WWOX: variants seen among roughly 807,000 people sequenced by gnomAD.
WWOX encodes the protein WW domain-containing oxidoreductase.
WWOX carries 69 observed loss-of-function variants against 46.2 expected under a neutral mutation model. The ratio of observed to expected loss-of-function variants is 1.49; its 90% CI spans 1.23 to 1.82. WWOX has a LOEUF of 1.82. Ranked by LOEUF, WWOX falls within the 40% of genes most tolerant of loss-of-function variation. WWOX has a pLI of 0.00. For synonymous variants in WWOX, 359 were observed against 202.6 expected (o/e 1.77, Z -6.56); for missense variants, 919 against 542.6 (o/e 1.69, Z -6.89).
chr16:78,922,903 A>T (rs537552232), intron 8 of WWOX, among the ~76,000 whole-genome samples: 1 of 152,106 alleles, frequency 6.6e-6, no homozygotes, highest in African/African-American at 2.4e-5. Flanking sequence ...AGAACTTAAA[A>T]CTAAATTTTT....
intron 8 of WWOX, among the ~76,000 whole-genome samples, chr16:78,692,439 G>A (rs2048011235): frequency 1.3e-5 from 2 of 152,102 alleles, no homozygotes; most frequent in African/African-American, 2.4e-5. Flanking sequence ...CATTTACAAG[G>A]AATTACAGAA....
At chr16:78,794,961 T>C (rs534575757) in intron 8 of WWOX, among the ~76,000 whole-genome samples, 8 of 152,346 alleles carry the variant, frequency 5.3e-5, no homozygotes, top group Non-Finnish European at 1.2e-4. Context: ...ATTAATGTTA[T>C]CATCATCACG....
At chr16:79,094,413 C>G (rs1207561954) in intron 8 of WWOX, among the ~76,000 whole-genome samples, 5 of 152,034 alleles carry the variant, frequency 3.3e-5, no homozygotes, top group African/African-American at 9.7e-5. Context: ...CCATGTCCAG[C>G]TAATTTTTTT....
intron 8 of WWOX, among the ~76,000 whole-genome samples, chr16:78,701,161 T>C (rs934496946): frequency 1.3e-5 from 2 of 152,222 alleles, no homozygotes; most frequent in Non-Finnish European, 2.9e-5. Context: ...AAAGCACTTA[T>C]AACAGGACCT....
At chr16:78,329,462 C>CA (rs2080707865) in intron 5 of WWOX, among the ~76,000 whole-genome samples, 1 of 152,148 alleles carries the variant, frequency 6.6e-6, no homozygotes, top group African/African-American at 2.4e-5. Context: ...GAATAAACAG[C>CA]AAAAATAGTT....
chr16:78,716,374 G>C (rs769150897), intron 8 of WWOX, among the ~76,000 whole-genome samples: 2 of 152,130 alleles, frequency 1.3e-5, no homozygotes, highest in African/African-American at 2.4e-5. Flanking sequence ...AACTGCAAAA[G>C]AGTACATTGC....
At chr16:78,327,427 C>T (rs2080649301) in intron 5 of WWOX, among the ~76,000 whole-genome samples, 1 of 152,106 alleles carries the variant, frequency 6.6e-6, no homozygotes, top group African/African-American at 2.4e-5. Flanking sequence ...AGCCCCAGTA[C>T]CCTCAGTGTG....
At chr16:78,978,077 G>A (rs1231011179) in intron 8 of WWOX, among the ~76,000 whole-genome samples, 5 of 152,166 alleles carry the variant, frequency 3.3e-5, no homozygotes, top group Non-Finnish European at 7.3e-5. Flanking sequence ...TTCTGTCTCA[G>A]TAGGTTTGCT....
intron 5 of WWOX, among the ~76,000 whole-genome samples, chr16:78,259,927 A>G (rs1268955197): frequency 1.3e-5 from 2 of 151,422 alleles, no homozygotes; most frequent in Admixed American, 6.6e-5. Context: ...GAGTTATTTT[A>G]TGATGATCTA....
intron 8 of WWOX, among the ~76,000 whole-genome samples, chr16:78,842,707 TA>T (rs1257413925): frequency 6.6e-6 from 1 of 151,570 alleles, no homozygotes; most frequent in Non-Finnish European, 1.5e-5. Flanking sequence ...CTACAAGAAG[TA>T]AAAAAAATCA....
At chr16:78,659,790 A>G (rs758753518) in intron 8 of WWOX, among the ~76,000 whole-genome samples, 4 of 152,200 alleles carry the variant, frequency 2.6e-5, no homozygotes, top group Admixed American at 1.3e-4. Context: ...TAAAGGGAGA[A>G]CAGCATTTTC....
chr16:78,105,198 ACGC>A (rs2032062991), intron 1 of WWOX, among the ~76,000 whole-genome samples: 1 of 152,228 alleles, frequency 6.6e-6, no homozygotes, highest in Non-Finnish European at 1.5e-5. Flanking sequence ...GCAGTGGTTC[ACGC>A]CTGTAATCCC....
intron 8 of WWOX, among the ~76,000 whole-genome samples, chr16:78,650,269 G>C (rs990807696): frequency 6.6e-6 from 1 of 152,208 alleles, no homozygotes; most frequent in African/African-American, 2.4e-5. Flanking sequence ...GACTTACTTT[G>C]AAGATGAAGA....
chr16:78,536,901 CTTTTT>C (rs35326105), intron 8 of WWOX, among the ~76,000 whole-genome samples: 2 of 120,046 alleles, frequency 1.7e-5, no homozygotes, highest in South Asian at 2.8e-4. Context: ...AGAGCCAAGT[CTTTTT>C]TTTTTTTTTT....
chr16:78,104,231 A>AACACACACACACACACACACACAC (rs376622174), intron 1 of WWOX, among the ~76,000 whole-genome samples: 84 of 130,212 alleles, frequency 6.5e-4, no homozygotes, highest in East Asian at 2.6e-3. Context: ...CTGTGCTCAA[A>AACACACACACACACACACACACAC]ACACACACAC....
chr16:78,703,872 C>G (rs778818498), intron 8 of WWOX, among the ~76,000 whole-genome samples: 8 of 152,026 alleles, frequency 5.3e-5, no homozygotes, highest in Non-Finnish European at 1.0e-4. Context: ...AACTATGACT[C>G]TGATCTTCTC....
chr16:78,262,419 C>G (rs1031894076), intron 5 of WWOX, among the ~76,000 whole-genome samples: 2 of 152,192 alleles, frequency 1.3e-5, no homozygotes, highest in African/African-American at 4.8e-5. Flanking sequence ...TTGGAGCAAT[C>G]TCTTTATTAA....
chr16:78,593,736 A>AAAG (rs1375059448), intron 8 of WWOX, among the ~76,000 whole-genome samples: 1 of 145,142 alleles, frequency 6.9e-6, no homozygotes, highest in African/African-American at 2.6e-5. Context: ...TAAAAAAAAA[A>AAAG]AGAGAGAGAG....
intron 6 of WWOX, among the ~76,000 whole-genome samples, chr16:78,418,517 G>A (rs538762765): frequency 1.9e-3 from 285 of 152,174 alleles, no homozygotes; most frequent in Non-Finnish European, 3.6e-3. Context: ...GGAAACTTTA[G>A]GTCACTTTCA....
Sources: gnomAD v4.1 joint callset for allele counts (sites outside exome capture counted in the v4.1 genomes callset) on GRCh38, gnomAD v4.1.1 for gene constraint, MANE v1.5 for transcripts, NCBI Gene and HGNC (gene_info 2026-07-23, HGNC 2026-07-21) for gene names.